The following TCF12 variants were observed in gnomAD, a reference collection of about 807,000 sequenced individuals.
The protein encoded by TCF12 is transcription factor 12.
In TCF12, 45 loss-of-function variants were observed where a neutral mutation model predicts 86.0. That is an observed-to-expected ratio of 0.52 (90% CI 0.41 to 0.67). TCF12 has a LOEUF of 0.67. Among genes scored for constraint, TCF12 ranks in the 30% least tolerant of loss-of-function variants. TCF12 has a pLI of 0.00. For synonymous variants in TCF12, 330 were observed against 299.6 expected (o/e 1.10, Z -1.05); for missense variants, 881 against 859.9 (o/e 1.02, Z -0.31).
intron 3 of TCF12, among the ~76,000 whole-genome samples, chr15:56,990,250 CGTGTGCGT>C (rs1182205962): frequency 4.8e-5 from 6 of 126,296 alleles, no homozygotes; most frequent in Non-Finnish European, 9.5e-5. Flanking sequence ...TCTGTGTGTG[CGTGTGCGT>C]GTGTGTGTGT....
At chr15:57,263,724 T>A (rs2060698574) in intron 18 of TCF12, among the ~76,000 whole-genome samples, 1 of 152,218 alleles carries the variant, frequency 6.6e-6, no homozygotes, top group Non-Finnish European at 1.5e-5. Flanking sequence ...CAGTATACTT[T>A]CACAAACCTA....
rs558058752 is a variant in TCF12 at position 57,203,741 on chromosome 15, T to C, written c.579+5916T>C. Among the ~76,000 whole-genome samples, 11 of 152,304 alleles carry C rather than the reference T, an allele frequency of 7.2e-5. No individual in the cohort carries two copies. In the East Asian group the frequency reaches 2.1e-3, roughly 29 times the overall value. On this transcript the variant is annotated intron_variant, in intron 8 of 20. Transcript: ENST00000333725. Reference sequence around the variant, plus strand: ...TTGCTTAAACTCTCAAAGTGTAATTTACCCCATCAAGAAAAATATTTTGTC... The same window carrying C: ...TTGCTTAAACTCTCAAAGTGTAATTCACCCCATCAAGAAAAATATTTTGTC...
At chr15:57,044,053 T>C (rs2067068682) in intron 3 of TCF12, among the ~76,000 whole-genome samples, 2 of 152,066 alleles carry the variant, frequency 1.3e-5, no homozygotes, top group Admixed American at 6.6e-5. Context: ...TACATTCAGA[T>C]TGGACACTTT....
At chr15:57,035,755 G>T (rs2066468220) in intron 3 of TCF12, among the ~76,000 whole-genome samples, 1 of 152,112 alleles carries the variant, frequency 6.6e-6, no homozygotes, top group Admixed American at 6.5e-5. Context: ...GAGGTCTTAT[G>T]GAATTAGAAA....
chr15:57,130,982 T>C (rs947525465), intron 5 of TCF12, among the ~76,000 whole-genome samples: 8 of 152,246 alleles, frequency 5.3e-5, no homozygotes, highest in African/African-American at 1.9e-4. Flanking sequence ...CTCACCTTTC[T>C]ATATTATTTT....
intron 3 of TCF12, among the ~76,000 whole-genome samples, chr15:57,022,922 T>A (rs1469270818): frequency 6.6e-6 from 1 of 152,190 alleles, no homozygotes; most frequent in East Asian, 1.9e-4. Context: ...GATTTCTGAA[T>A]TGAAAGGAGA....
At chr15:56,924,448 G>C (rs187778060) in intron 3 of TCF12, among the ~76,000 whole-genome samples, 174 of 152,216 alleles carry the variant, frequency 1.1e-3, no homozygotes, top group Non-Finnish European at 2.0e-3. Flanking sequence ...ACAAAATCAA[G>C]AGAAAACCAA....
chr15:56,947,607 T>C (rs1220999909), intron 3 of TCF12, among the ~76,000 whole-genome samples: 1 of 152,210 alleles, frequency 6.6e-6, no homozygotes, highest in African/African-American at 2.4e-5. Context: ...TTTTCCAGTG[T>C]TGGGAAGCAG....
At chr15:57,072,580 C>A in intron 4 of TCF12, 2 of 1,000,186 alleles carry the variant, frequency 2.0e-6, no homozygotes, top group Non-Finnish European at 2.6e-6. Flanking sequence ...TTTATAGCTA[C>A]TAGGAGTTCA....
rs777234282 is a variant in TCF12 at position 56,984,014 on chromosome 15, A to AAAAAAAAAAAAAAAAAGAAG, written c.148+62918_148+62919insAAAAAAAAAAAAAAGAAGAA. The stretch of plus-strand genomic sequence containing the variant: ...GAGACCCTGTCTCAAAAAAAAAAAA[A>AAAAAAAAAAAAAAAAAGAAG]AAGAAGAAGAAGAATTTTGGATCAA... On this transcript the variant is annotated intron_variant, in intron 3 of 20. Coordinates refer to ENST00000333725, the MANE Select transcript of TCF12 (RefSeq NM_207037.2). Among the ~76,000 whole-genome samples, 121 of 104,434 alleles carry AAAAAAAAAAAAAAAAAGAAG rather than the reference A, an allele frequency of 1.2e-3. 3 individuals carry two copies. Among genetic ancestry groups the AAAAAAAAAAAAAAAAAGAAG allele is most frequent in the African/African-American group, 5.3e-3 (116 of 22,022 alleles). The allele number at this position is 104,434 out of a possible 152,430, so 68.5% of individuals were successfully genotyped here.
intron 6 of TCF12, among the ~76,000 whole-genome samples, chr15:57,168,266 A>G (rs1254805289): frequency 6.6e-6 from 1 of 152,256 alleles, no homozygotes; most frequent in Non-Finnish European, 1.5e-5. Flanking sequence ...GTTGTTAAAC[A>G]TTTACCAGCA....
intron 3 of TCF12, among the ~76,000 whole-genome samples, chr15:57,042,923 T>C (rs1374854064): frequency 6.6e-6 from 1 of 152,176 alleles, no homozygotes; most frequent in Non-Finnish European, 1.5e-5. Context: ...AGTTCCCCAC[T>C]CTACAGTAAT....
rs2062887650 is a variant in TCF12, at chr15:56,981,474, A to T, written c.148+60376A>T. ...GTGTTAATCTGTTCATGAGGGTGGA[A>T]CTCTTAAGACATAAACATCTCCTGT... On this transcript the variant is annotated intron_variant, in intron 3 of 20. Transcript: ENST00000333725. 2.6e-5 allele frequency among the ~76,000 whole-genome samples: 4 copies of T among 152,162 alleles called. No individual in the cohort carries two copies. In the South Asian group the frequency reaches 8.3e-4, roughly 32 times the overall value.
intron 18 of TCF12, among the ~76,000 whole-genome samples, chr15:57,269,487 T>A (rs560529405): frequency 3.2e-4 from 47 of 148,598 alleles, no homozygotes; most frequent in Middle Eastern, 7.1e-3. Flanking sequence ...TACAGCACAC[T>A]GATGGGTCTT....
At chr15:57,040,722 G>A (rs773340409) in intron 3 of TCF12, among the ~76,000 whole-genome samples, 3 of 152,132 alleles carry the variant, frequency 2.0e-5, no homozygotes, top group Non-Finnish European at 4.4e-5. Context: ...AAACAGTTTC[G>A]AGCCAATATA....
intron 4 of TCF12, among the ~76,000 whole-genome samples, chr15:57,071,236 C>G (rs1387597201): frequency 5.3e-5 from 8 of 149,684 alleles, no homozygotes; most frequent in Non-Finnish European, 1.2e-4. Flanking sequence ...ATGAGACCCC[C>G]TCTCTACAAA....
At chr15:57,046,439 G>T (rs1375036020) in intron 3 of TCF12, among the ~76,000 whole-genome samples, 3 of 151,956 alleles carry the variant, frequency 2.0e-5, no homozygotes, top group Admixed American at 2.0e-4. Context: ...CATTGTTTTT[G>T]TTTGTTTGTT....
intron 8 of TCF12, among the ~76,000 whole-genome samples, chr15:57,209,177 G>A (rs2057998641): frequency 6.6e-6 from 1 of 152,186 alleles, no homozygotes; most frequent in African/African-American, 2.4e-5. Context: ...GCTCTAAGCT[G>A]TACTTTTTAA....
intron 4 of TCF12, among the ~76,000 whole-genome samples, chr15:57,069,610 C>T (rs1214447890): frequency 1.3e-5 from 2 of 152,140 alleles, no homozygotes; most frequent in Non-Finnish European, 2.9e-5. Flanking sequence ...TGAGATTTGA[C>T]CAGGTGTAGA....
Sources: gnomAD v4.1 joint callset for allele counts (sites outside exome capture counted in the v4.1 genomes callset) on GRCh38, gnomAD v4.1.1 for gene constraint, MANE v1.5 for transcripts, NCBI Gene and HGNC (gene_info 2026-07-23, HGNC 2026-07-21) for gene names.